HSPH1: variants seen among roughly 807,000 people sequenced by gnomAD.
The protein encoded by HSPH1 is heat shock protein 105 kDa.
HSPH1 carries 40 observed loss-of-function variants against 100.0 expected under a neutral mutation model. The ratio of observed to expected loss-of-function variants is 0.40; its 90% confidence interval spans 0.31 to 0.52. The LOEUF is 0.52. Among genes scored for constraint, HSPH1 ranks in the 20% least tolerant of loss-of-function variants. The probability of loss-of-function intolerance (pLI) is 0.54; values close to 1 mark genes in which losing one functional copy is unlikely to be tolerated. For missense variants in HSPH1, 876 were observed against 1,015.1 expected, an observed-to-expected ratio of 0.86 and a Z score of 1.86; for synonymous variants, 403 against 344.0, an observed-to-expected ratio of 1.17 and a Z score of -1.90.
chr13:31,148,491 A>C lies in HSPH1; in HGVS notation c.1138-11T>G. On this transcript the variant is annotated splice_polypyrimidine_tract_variant and intron_variant, in intron 8 of 17. Transcript: ENST00000320027. The stretch of plus-strand genomic sequence containing the variant: ...GGAAAGTATTGCACACTTAAAAAAA[A>C]AAAAAAAAATCATGAGCACATGAAC... 2 of 1,328,706 alleles carry C rather than the reference A, an allele frequency of 1.5e-6. No individual in the cohort carries two copies. Among genetic ancestry groups the C allele is most frequent in the Non-Finnish European group, 2.0e-6 (2 of 983,264 alleles). 82.3% of individuals were successfully genotyped at this position (1,328,706 alleles called of 1,614,324 possible).
In HSPH1 at chr13:31,147,948, G is replaced by T; in HGVS notation, c.1378+11C>A. The T allele has an allele frequency of 1.3e-6, 2 of 1,576,570 alleles. No individual in the cohort carries two copies. The highest frequency in any genetic ancestry group is 2.4e-5 in the South Asian group (2 of 83,742). ...ACTAAAAGAGTAAAATATACACAAT[G>T]AACTCCTTACCTATTTTTGCTTCTG... On this transcript the variant is annotated intron_variant, in intron 10 of 17. Coordinates refer to ENST00000320027, the MANE Select transcript of HSPH1 (RefSeq NM_006644.4).
Position 31,137,003 on chromosome 13 carries a change from T to A in HSPH1, c.*315A>T. 5 of 438,530 alleles carry A rather than the reference T, an allele frequency of 1.1e-5. No homozygotes were observed. The highest frequency in any genetic ancestry group is 9.7e-5 in the South Asian group (5 of 51,578). 27.2% of individuals were successfully genotyped at this position (438,530 alleles called of 1,614,324 possible). ...TTAAAGATTTTAATCACAGCCCTCT[T>A]GAACAAGCAGTACAGTTTTTTTTCT... On this transcript the variant is annotated 3_prime_UTR_variant, in exon 18 of 18. Transcript: ENST00000320027.
Position 31,145,638 on chromosome 13 carries a change from A to G in HSPH1, c.1509T>C (p.Thr503=). The G allele has an allele frequency of 1.9e-6, 3 of 1,613,668 alleles. No homozygotes were observed. The highest frequency in any genetic ancestry group is 2.7e-5 in the African/African-American group (2 of 74,980). Reference sequence around the variant, plus strand: ...CTTCAGAAGACATTTCATTCTCCTCAGTTGGGACTTTCTCCACCATAGATG... The same window carrying G: ...CTTCAGAAGACATTTCATTCTCCTCGGTTGGGACTTTCTCCACCATAGATG... ...STASMVEKVP[T]EENEMSSEAD... The change falls in exon 11 of 18, where the codon ACT becomes ACC. Residue 503 remains threonine (T), a synonymous_variant. Transcript: ENST00000320027.
rs569428485 is a variant in HSPH1, at chr13:31,150,309, G to A, written c.909-127C>T. 17 of 636,898 alleles carry A rather than the reference G, an allele frequency of 2.7e-5. No individual in the cohort carries two copies. In the Admixed American group the frequency reaches 3.9e-4, roughly 15 times the overall value. 39.5% of individuals were successfully genotyped at this position (636,898 alleles called of 1,614,324 possible). ...GATCCCACATGGGCCAAGTTTAGCT[G>A]TATTGTAGTTTATAGCTCTTTTGTT... On this transcript the variant is annotated intron_variant, in intron 7 of 17. Transcript: ENST00000320027.
chr13:31,135,169 TAC>T lies in HSPH1; in HGVS notation c.*2147_*2148del, dbSNP rs2137516137. On this transcript the variant is annotated 3_prime_UTR_variant, in exon 18 of 18. Coordinates refer to ENST00000320027, the MANE Select transcript of HSPH1 (RefSeq NM_006644.4). ...TATTATAAAGTAATCAACATGACAATACTTTTGCCCGCATCCAAAAGCGCAGT... is the reference window on the plus strand; with the variant it reads ...TATTATAAAGTAATCAACATGACAATTTTTGCCCGCATCCAAAAGCGCAGT... The T allele has an allele frequency of 6.6e-6, 1 of 152,350 alleles. No individual in the cohort carries two copies. Among genetic ancestry groups the T allele is most frequent in the East Asian group, 1.9e-4 (1 of 5,190 alleles). The allele number at this position is 152,350 out of a possible 1,614,324, so 9.4% of individuals were successfully genotyped here.
At chr13:31,139,305 A>C in intron 14 of HSPH1, 198 bp from the exon 15 acceptor site, 1 of 538,326 alleles carries the variant, frequency 1.9e-6, no homozygotes. Context: ...CCCAATCTGT[A>C]CAATGAAATG....
rs1593704309 is a variant in HSPH1, at chr13:31,136,898, T to C, written c.*420A>G. 4.7e-6 allele frequency: 1 copy of C among 211,018 alleles called. No individual in the cohort carries two copies. The highest frequency in any genetic ancestry group is 1.6e-4 in the East Asian group (1 of 6,194). 13.1% of individuals were successfully genotyped at this position (211,018 alleles called of 1,614,324 possible). A position where few individuals can be genotyped will look rare whatever the true frequency, so the allele number is the denominator to read the frequency against. On this transcript the variant is annotated 3_prime_UTR_variant, in exon 18 of 18. Coordinates refer to ENST00000320027, the MANE Select transcript of HSPH1 (RefSeq NM_006644.4). ...AGCCCTTATGAAGTCAGACTTAGTC[T>C]TGTTTATAAACATCCACACCCACAC...
intron 7 of HSPH1, among the ~76,000 whole-genome samples, chr13:31,150,661 G>A (rs192053514): frequency 4.6e-5 from 7 of 152,238 alleles, no homozygotes; most frequent in Admixed American, 4.6e-4. Context: ...TCTGTGAAAC[G>A]AGTTTTCAAT....
chr13:31,157,924 G>A (rs1049993028), intron 2 of HSPH1, among the ~76,000 whole-genome samples: 1 of 139,554 alleles, frequency 7.2e-6, no homozygotes, highest in African/African-American at 2.7e-5. Flanking sequence ...ATCAGATACC[G>A]TACTTTACTT....
At chr13:31,140,339 G>A (rs776954995) in intron 13 of HSPH1, 30 bp from the exon 14 acceptor site, 123 of 1,596,660 alleles carry the variant, frequency 7.7e-5, no homozygotes, top group Non-Finnish European at 1.0e-4. Flanking sequence ...GTTAATTCCA[G>A]TCTTCTAGTT....
chr13:31,155,414 C>T, intron 3 of HSPH1, 100 bp downstream of exon 3: 1 of 872,760 alleles, frequency 1.1e-6, no homozygotes. Context: ...ACAAAAAGAC[C>T]ACCTGGTGTA....
At chr13:31,151,787 T>A in intron 5 of HSPH1, 45 bp from the exon 6 acceptor site, 1 of 1,539,816 alleles carries the variant, frequency 6.5e-7, no homozygotes, top group Non-Finnish European at 8.8e-7. Flanking sequence ...CACATTTTCT[T>A]AGGAATCTCA....
intron 3 of HSPH1, among the ~76,000 whole-genome samples, chr13:31,155,058 G>A (rs1282591099): frequency 1.3e-5 from 2 of 152,128 alleles, no homozygotes; most frequent in Non-Finnish European, 2.9e-5. Context: ...AAAGAAGGTA[G>A]TAAATTTCCA....
Position 31,148,050 on chromosome 13 carries a change from G to A in HSPH1, c.1287C>T (p.Ser429=), listed in dbSNP as rs947048937. ...VFSRNHAAPF[S]KVLTFLRRGP... ...CCCTTCTCAGAAAGGTGAGAACTTT[G>A]GAGAAAGGAGCAGCATGGTTTCGAC... The change falls in exon 10 of 18, where the codon TCC becomes TCT. Residue 429 remains serine (S), a synonymous_variant. Coordinates refer to ENST00000320027, the MANE Select transcript of HSPH1 (RefSeq NM_006644.4). 3.1e-6 allele frequency: 5 copies of A among 1,610,710 alleles called. No individual in the cohort carries two copies. The highest frequency in any genetic ancestry group is 4.2e-6 in the Non-Finnish European group (5 of 1,178,692).
chr13:31,141,308 G>A, intron 12 of HSPH1, 49 bp from the exon 13 acceptor site: 6 of 1,487,134 alleles, frequency 4.0e-6, no homozygotes, highest in Admixed American at 2.2e-5. Context: ...AACCCACTTG[G>A]AAAAACACAA....
chr13:31,150,914 C>T (rs1956463763), intron 7 of HSPH1, 33 bp downstream of exon 7: 1 of 1,573,802 alleles, frequency 6.4e-7, no homozygotes, highest in Admixed American at 1.9e-5. Flanking sequence ...AAAAGAAGTT[C>T]CATCTATTTA....
chr13:31,156,517 T>C (rs964425318), intron 2 of HSPH1, among the ~76,000 whole-genome samples: 29 of 151,086 alleles, frequency 1.9e-4, no homozygotes, highest in Non-Finnish European at 4.0e-4. Flanking sequence ...TGAGCCAAGA[T>C]AGTGCCATTG....
chr13:31,151,759 T>C lies in HSPH1; in HGVS notation c.530-17A>G. On this transcript the variant is annotated splice_polypyrimidine_tract_variant and intron_variant, in intron 5 of 17. Transcript: ENST00000320027. ...TCAAAGCAACTACAAAAAATAAGTATGTTTCAATTCTTTGGTTCACATTTT... is the reference window on the plus strand; with the variant it reads ...TCAAAGCAACTACAAAAAATAAGTACGTTTCAATTCTTTGGTTCACATTTT... 2 of 1,594,246 alleles carry C rather than the reference T, an allele frequency of 1.3e-6. No homozygotes were observed. The highest frequency in any genetic ancestry group is 1.7e-6 in the Non-Finnish European group (2 of 1,171,996).
chr13:31,154,279 T>C (rs753520730), intron 4 of HSPH1: 21 of 311,430 alleles, frequency 6.7e-5, no homozygotes, highest in Non-Finnish European at 1.3e-4. Context: ...AATACACTGG[T>C]TTCTCAACGG....
Sources: allele counts gnomAD v4.1 joint callset (sites outside exome capture counted in the v4.1 genomes callset), GRCh38; gene constraint gnomAD v4.1.1; transcripts MANE v1.5; gene names NCBI Gene and HGNC (gene_info 2026-07-23, HGNC 2026-07-21).